The following GRM7 variants were observed in gnomAD, a reference collection of about 807,000 sequenced individuals.
The protein encoded by GRM7 is metabotropic glutamate receptor 7.
GRM7 carries 35 observed loss-of-function variants against 84.5 expected under a neutral mutation model. The ratio of observed to expected loss-of-function variants is 0.41; its 90% CI spans 0.32 to 0.55. GRM7 has a LOEUF of 0.55. Ranked by LOEUF, GRM7 falls within the 20% of genes least tolerant of loss-of-function variation. The pLI is 0.19. For missense variants in GRM7, 1,003 were observed against 1,194.6 expected (o/e 0.84, Z 2.36); for synonymous variants, 487 against 455.1 (o/e 1.07, Z -0.89).
At chr3:7,407,811 T>G (rs966392324) in intron 4 of GRM7, among the ~76,000 whole-genome samples, 32 of 152,240 alleles carry the variant, frequency 2.1e-4, no homozygotes, top group African/African-American at 7.7e-4. Context: ...CAGGTCTATC[T>G]GACTGCAAAG....
chr3:7,301,407 TAC>T (rs1699995932), intron 3 of GRM7, among the ~76,000 whole-genome samples: 1 of 152,220 alleles, frequency 6.6e-6, no homozygotes, highest in Non-Finnish European at 1.5e-5. Flanking sequence ...TATCTGCTAA[TAC>T]CCTTCTTATT....
chr3:6,915,985 G>T (rs971018267), intron 1 of GRM7, among the ~76,000 whole-genome samples: 1 of 152,166 alleles, frequency 6.6e-6, no homozygotes, highest in Non-Finnish European at 1.5e-5. Context: ...CAACAAATAA[G>T]AACTCAGTTT....
intron 1 of GRM7, among the ~76,000 whole-genome samples, chr3:7,000,106 T>G (rs143151642): frequency 2.0e-5 from 3 of 151,714 alleles, no homozygotes; most frequent in Admixed American, 1.3e-4. Flanking sequence ...CATGCTAAAG[T>G]TTTTTGTAAC....
intron 1 of GRM7, among the ~76,000 whole-genome samples, chr3:6,915,817 A>AT (rs891152191): frequency 4.5e-4 from 69 of 151,984 alleles, no homozygotes; most frequent in African/African-American, 1.6e-3. Flanking sequence ...ATAACAGTAA[A>AT]TTTTTTTTAA....
chr3:7,290,563 G>C (rs968784496), intron 2 of GRM7, among the ~76,000 whole-genome samples: 5 of 152,208 alleles, frequency 3.3e-5, no homozygotes, highest in Non-Finnish European at 7.3e-5. Flanking sequence ...GATAGCACTT[G>C]CATTCTGCTC....
chr3:7,389,652 T>C (rs185506163), intron 4 of GRM7, among the ~76,000 whole-genome samples: 11 of 152,260 alleles, frequency 7.2e-5, no homozygotes, highest in Admixed American at 6.5e-4. Flanking sequence ...TTAAAGTCTA[T>C]TTTATATGAT....
chr3:7,499,778 C>CTTT (rs112392895), intron 7 of GRM7, among the ~76,000 whole-genome samples: 377 of 144,414 alleles, frequency 2.6e-3, no homozygotes, highest in Middle Eastern at 0.022. Context: ...AGACACCATT[C>CTTT]TTTTTTTTTT....
intron 2 of GRM7, among the ~76,000 whole-genome samples, chr3:7,282,081 T>C (rs1344518192): frequency 2.6e-5 from 4 of 152,236 alleles, no homozygotes; most frequent in Admixed American, 2.6e-4. Context: ...AGACTCCATC[T>C]CTACGAAACA....
intron 7 of GRM7, among the ~76,000 whole-genome samples, chr3:7,553,850 C>G (rs972879501): frequency 2.0e-5 from 3 of 152,158 alleles, no homozygotes; most frequent in Non-Finnish European, 2.9e-5. Context: ...AAAGCCTAAC[C>G]CATATCAGTT....
chr3:7,354,486 A>G (rs1196799485), intron 4 of GRM7, among the ~76,000 whole-genome samples: 1 of 152,136 alleles, frequency 6.6e-6, no homozygotes, highest in Admixed American at 6.6e-5. Context: ...GAGGGATGTT[A>G]TAATGGAAAA....
At chr3:7,685,260 G>T (rs147291444) in intron 9 of GRM7, among the ~76,000 whole-genome samples, 1 of 152,326 alleles carries the variant, frequency 6.6e-6, no homozygotes, top group Non-Finnish European at 1.5e-5. Flanking sequence ...AAGATGTTCT[G>T]TAAATTGTCT....
At position 6,931,090 on chromosome 3, in the gene GRM7, T is replaced by C. The variant is rs527629506; in HGVS notation, c.519+69183T>C. 6.6e-5 allele frequency among the ~76,000 whole-genome samples: 10 copies of C among 152,312 alleles called. No homozygotes were observed. In the South Asian group the frequency reaches 2.1e-3, roughly 32 times the overall value. On this transcript the variant is annotated intron_variant, in intron 1 of 9. Transcript: ENST00000357716. ...ATTGTTCACTTTATATTAGCTGAAATTGCACTAGCTCTTGCCCCTGTCAAA... is the reference window on the plus strand; with the variant it reads ...ATTGTTCACTTTATATTAGCTGAAACTGCACTAGCTCTTGCCCCTGTCAAA...
intron 1 of GRM7, among the ~76,000 whole-genome samples, chr3:7,051,630 C>T (rs558076474): frequency 6.6e-6 from 1 of 151,816 alleles, no homozygotes; most frequent in South Asian, 2.1e-4. Flanking sequence ...GAATTGGTAA[C>T]CAGGATGTTT....
chr3:7,646,486 C>T (rs1433784953), intron 8 of GRM7, among the ~76,000 whole-genome samples: 1 of 152,120 alleles, frequency 6.6e-6, no homozygotes, highest in Non-Finnish European at 1.5e-5. Context: ...GCCGCCATGC[C>T]CCGCTGACCA....
chr3:7,373,524 G>A (rs902261192), intron 4 of GRM7, among the ~76,000 whole-genome samples: 10 of 152,142 alleles, frequency 6.6e-5, no homozygotes. Flanking sequence ...AATAAACGCA[G>A]CACCAAGAAG....
intron 2 of GRM7, among the ~76,000 whole-genome samples, chr3:7,284,781 G>A (rs956119678): frequency 6.6e-6 from 1 of 151,860 alleles, no homozygotes; most frequent in African/African-American, 2.4e-5. Flanking sequence ...GGCATACTAT[G>A]AACTAAAGTC....
At chr3:7,551,588 A>G (rs1693480430) in intron 7 of GRM7, among the ~76,000 whole-genome samples, 2 of 150,298 alleles carry the variant, frequency 1.3e-5, no homozygotes, top group South Asian at 4.2e-4. Flanking sequence ...TGTAATAAAT[A>G]TAACATATTA....
chr3:6,934,587 A>G (rs1170769130), intron 1 of GRM7, among the ~76,000 whole-genome samples: 1 of 152,146 alleles, frequency 6.6e-6, no homozygotes, highest in African/African-American at 2.4e-5. Flanking sequence ...AACTGCATAT[A>G]TTTTTGGAAG....
At chr3:7,218,663 T>C (rs1363539885) in intron 2 of GRM7, among the ~76,000 whole-genome samples, 1 of 152,050 alleles carries the variant, frequency 6.6e-6, no homozygotes, top group Non-Finnish European at 1.5e-5. Context: ...TTGGGAAGGT[T>C]GATGTTTTCC....
Sources: allele counts gnomAD v4.1 joint callset (sites outside exome capture counted in the v4.1 genomes callset), GRCh38; gene constraint gnomAD v4.1.1; transcripts MANE v1.5; gene names NCBI Gene and HGNC (gene_info 2026-07-23, HGNC 2026-07-21).